Variants in SLIT2 observed in about 807,000 individuals in gnomAD.
SLIT2 encodes the protein slit homolog 2 protein.
In SLIT2, 41 loss-of-function variants were observed where a neutral mutation model predicts 185.7. That is an observed-to-expected ratio of 0.22 (90% CI 0.17 to 0.29). SLIT2 has a LOEUF of 0.29. SLIT2 is among the 10% of genes least tolerant of loss of function. SLIT2 has a pLI of 1.00. For synonymous variants in SLIT2, 693 were observed against 680.2 expected (o/e 1.02, Z -0.29); for missense variants, 1,571 against 1,909.0 (o/e 0.82, Z 3.30).
At chr4:20,400,931 C>T (rs534857559) in intron 4 of SLIT2, among the ~76,000 whole-genome samples, 2 of 151,934 alleles carry the variant, frequency 1.3e-5, no homozygotes, top group East Asian at 3.9e-4. Flanking sequence ...TAACTGAACT[C>T]TGAGATTTTT....
chr4:20,541,361 G>A (rs1722786200), intron 19 of SLIT2, 92 bp from the exon 20 acceptor site: 17 of 1,062,554 alleles, frequency 1.6e-5, no homozygotes, highest in Admixed American at 1.1e-4. Flanking sequence ...TCATTCCAGC[G>A]GAAATAGCGT....
intron 21 of SLIT2, among the ~76,000 whole-genome samples, chr4:20,545,576 A>G (rs1213083049): frequency 6.6e-6 from 1 of 152,040 alleles, no homozygotes; most frequent in Non-Finnish European, 1.5e-5. Flanking sequence ...CTTAAACCTA[A>G]TATGTTCAAA....
chr4:20,544,446 C>G (rs1014522833), intron 21 of SLIT2, among the ~76,000 whole-genome samples: 1 of 152,048 alleles, frequency 6.6e-6, no homozygotes, highest in Admixed American at 6.6e-5. Context: ...TTCAACTATT[C>G]AAAAAGTTGA....
chr4:20,461,416 A>C (rs1713695847), intron 4 of SLIT2, among the ~76,000 whole-genome samples: 1 of 152,124 alleles, frequency 6.6e-6, no homozygotes. Context: ...TAAGGTCAAA[A>C]AGGGTGTGCT....
At chr4:20,472,611 T>TAGATATATCG (rs1288236922) in intron 5 of SLIT2, among the ~76,000 whole-genome samples, 534 of 8,316 alleles carry the variant, frequency 0.064, 188 homozygotes, top group African/African-American at 0.094. Context: ...TAGATATATC[T>TAGATATATCG]ATATATATCG....
At chr4:20,493,125 A>G (rs138896724) in intron 9 of SLIT2, among the ~76,000 whole-genome samples, 1 of 152,308 alleles carries the variant, frequency 6.6e-6, no homozygotes, top group Non-Finnish European at 1.5e-5. Flanking sequence ...GAGACAGATG[A>G]CATTACTGAA....
chr4:20,586,818 A>G (rs1727102839), intron 29 of SLIT2, among the ~76,000 whole-genome samples: 1 of 152,178 alleles, frequency 6.6e-6, no homozygotes, highest in Non-Finnish European at 1.5e-5. Context: ...TGACAACAGA[A>G]TTGTGAAAGG....
At chr4:20,305,063 G>C (rs1362152873) in intron 4 of SLIT2, among the ~76,000 whole-genome samples, 2 of 152,136 alleles carry the variant, frequency 1.3e-5, no homozygotes, top group Non-Finnish European at 2.9e-5. Context: ...ACTGCATTTT[G>C]GCAAATAGGT....
intron 11 of SLIT2, among the ~76,000 whole-genome samples, chr4:20,516,290 T>C (rs978841923): frequency 2.0e-5 from 3 of 152,152 alleles, no homozygotes; most frequent in African/African-American, 7.2e-5. Context: ...TCAAAAAGAC[T>C]AGCAACAACA....
chr4:20,288,750 C>G (rs1435637535), intron 4 of SLIT2, among the ~76,000 whole-genome samples: 5 of 152,182 alleles, frequency 3.3e-5, no homozygotes, highest in African/African-American at 1.2e-4. Flanking sequence ...CAAGCCATAG[C>G]TTTTAGTTAC....
intron 4 of SLIT2, among the ~76,000 whole-genome samples, chr4:20,271,348 A>G (rs1474556903): frequency 6.7e-6 from 1 of 148,538 alleles, no homozygotes; most frequent in Non-Finnish European, 1.5e-5. Context: ...AACAATATAT[A>G]AGTATTCTAT....
intron 5 of SLIT2, among the ~76,000 whole-genome samples, chr4:20,469,848 C>T (rs1014919681): frequency 5.3e-5 from 8 of 151,006 alleles, no homozygotes; most frequent in East Asian, 3.9e-4. Flanking sequence ...CTCCACCCCC[C>T]GGGTTCAAGC....
Position 20,553,985 on chromosome 4 carries a change from T to C in SLIT2, c.2725+17T>C. ...CCTGTCAAGGTATGGTTTTTAATCA[T>C]TTGTATTTCTTTTAAGAATTACTAT... On this transcript the variant is annotated intron_variant, in intron 26 of 36. Transcript: ENST00000504154. The C allele has an allele frequency of 6.4e-7, 1 of 1,552,284 alleles. No homozygotes were observed. The highest frequency in any genetic ancestry group is 1.2e-5 in the South Asian group (1 of 81,074).
At chr4:20,521,309 A>G (rs1453766917) in intron 12 of SLIT2, among the ~76,000 whole-genome samples, 1 of 152,210 alleles carries the variant, frequency 6.6e-6, no homozygotes, top group Non-Finnish European at 1.5e-5. Flanking sequence ...GAACGGCATG[A>G]TTATCTCTTT....
Position 20,350,325 on chromosome 4 carries a change from A to C in SLIT2, c.395+81444A>C, listed in dbSNP as rs187332154. On this transcript the variant is annotated intron_variant, in intron 4 of 36. Transcript: ENST00000504154. The stretch of plus-strand genomic sequence containing the variant: ...TAATGCTGAGTACAAATATCCTCCA[A>C]CCCAATTTTAAAAATAACTTATATG... Among the ~76,000 whole-genome samples, 5 of 151,950 alleles carry C rather than the reference A, an allele frequency of 3.3e-5. No homozygotes were observed. The East Asian group carries it at 9.7e-4, about 29-fold the overall frequency.
rs1721506234 is a variant in SLIT2 at position 20,528,584 on chromosome 4, TTATTACTGGA to T, written c.1463-361_1463-352del. 6.6e-6 allele frequency among the ~76,000 whole-genome samples: 1 copy of T among 152,186 alleles called. No individual in the cohort carries two copies. Among genetic ancestry groups the T allele is most frequent in the Admixed American group, 6.5e-5 (1 of 15,268 alleles). On this transcript the variant is annotated intron_variant, in intron 15 of 36. Transcript: ENST00000504154. This position sits in a 1 kb window ranked among gnomAD's most constrained non-coding sequence, Gnocchi z 4.2. Reference sequence around the variant, plus strand: ...TTTACAATGAGATATAGGATCATGTTTATTACTGGATATATTTTCAATTCTTGACTCCGAG... The same window carrying T: ...TTTACAATGAGATATAGGATCATGTTTATATTTTCAATTCTTGACTCCGAG...
At chr4:20,477,652 GA>G (rs1716263745) in intron 5 of SLIT2, among the ~76,000 whole-genome samples, 1 of 152,190 alleles carries the variant, frequency 6.6e-6, no homozygotes, top group Non-Finnish European at 1.5e-5. Flanking sequence ...GCAAATAAGG[GA>G]GAAGACACAA....
At chr4:20,303,450 A>T (rs2109112460) in intron 4 of SLIT2, among the ~76,000 whole-genome samples, 1 of 152,266 alleles carries the variant, frequency 6.6e-6, no homozygotes, top group East Asian at 1.9e-4. Context: ...ATATGGAATT[A>T]CAGTTACTTT....
chr4:20,536,969 C>T (rs769608460), intron 18 of SLIT2, among the ~76,000 whole-genome samples: 1 of 152,136 alleles, frequency 6.6e-6, no homozygotes, highest in South Asian at 2.1e-4. Context: ...TCTCCCTCCA[C>T]ACCTTGTCCC....
Sources: gnomAD v4.1 joint callset for allele counts (sites outside exome capture counted in the v4.1 genomes callset) on GRCh38, gnomAD v4.1.1 for gene constraint, Gnocchi (gnomAD v3.1) non-coding constraint, MANE v1.5 for transcripts, NCBI Gene and HGNC (gene_info 2026-07-23, HGNC 2026-07-21) for gene names.